The following GPR39 variants were observed in gnomAD, a reference collection of about 807,000 sequenced individuals.
GPR39 encodes the protein G protein-coupled receptor 39.
GPR39 carries 23 observed loss-of-function variants against 18.4 expected under a neutral mutation model. The observed-to-expected ratio is 1.25, with a 90% CI of 0.90 to 1.77. The LOEUF (loss-of-function observed/expected upper bound fraction) is 1.77. Ranked by LOEUF, GPR39 falls within the 40% of genes most tolerant of loss-of-function variation. GPR39 has a pLI of 0.00. For missense variants in GPR39, 647 were observed against 602.4 expected, an observed-to-expected ratio of 1.07 and a Z score of -0.78; for synonymous variants, 280 against 257.9, an observed-to-expected ratio of 1.09 and a Z score of -0.82.
rs147892356 is a variant in GPR39 at position 132,622,508 on chromosome 2, G to T, written c.857-22593G>T. Among the ~76,000 whole-genome samples the T allele has an allele frequency of 4.1e-4, 62 of 152,326 alleles. No individual in the cohort carries two copies. In the East Asian group the frequency reaches 0.011, roughly 26 times the overall value. The stretch of plus-strand genomic sequence containing the variant: ...GAAATCCTTAGAAAGTGCACTTGAG[G>T]CAGTTGGGTTACAGTTTGGCTTTAT... On this transcript the variant is annotated intron_variant, in intron 1 of 1. Coordinates refer to ENST00000329321, the MANE Select transcript of GPR39 (RefSeq NM_001508.3).
chr2:132,631,323 A>G (rs1379726953), intron 1 of GPR39, among the ~76,000 whole-genome samples: 3 of 152,146 alleles, frequency 2.0e-5, no homozygotes, highest in South Asian at 2.1e-4. Flanking sequence ...TTGCAAGACT[A>G]TTTCCTCCAA....
At chr2:132,497,849 A>T (rs977910356) in intron 1 of GPR39, among the ~76,000 whole-genome samples, 1 of 152,160 alleles carries the variant, frequency 6.6e-6, no homozygotes, top group Non-Finnish European at 1.5e-5. Context: ...AGAGAAGGGA[A>T]TGGTTTCAAG....
At chr2:132,553,303 A>T (rs1293635732) in intron 1 of GPR39, among the ~76,000 whole-genome samples, 1 of 133,826 alleles carries the variant, frequency 7.5e-6, no homozygotes, top group Non-Finnish European at 1.6e-5. Context: ...ATATACACAC[A>T]TATGTATATA....
chr2:132,482,246 A>G (rs767880477), intron 1 of GPR39, among the ~76,000 whole-genome samples: 1 of 151,990 alleles, frequency 6.6e-6, no homozygotes, highest in African/African-American at 2.4e-5. Context: ...GTTTTAGGAC[A>G]TTTTCCCTTT....
rs1323773772 is a variant in GPR39 at position 132,646,375 on chromosome 2, C to G, written c.*769C>G. 7.8e-6 allele frequency: 6 copies of G among 766,750 alleles called. No homozygotes were observed. In the East Asian group the frequency reaches 2.0e-4, roughly 25 times the overall value. The allele number at this position is 766,750 out of a possible 1,614,324, so 47.5% of individuals were successfully genotyped here. On this transcript the variant is annotated 3_prime_UTR_variant, in exon 2 of 2. Transcript: ENST00000329321. The stretch of plus-strand genomic sequence containing the variant: ...AATCCAAACGGACAGCTCTTCCTTA[C>G]TCCTCCCACAGCCCAGAGACTAGGT...
intron 1 of GPR39, among the ~76,000 whole-genome samples, chr2:132,478,118 TG>T (rs1303785501): frequency 6.6e-6 from 1 of 152,246 alleles, no homozygotes; most frequent in Non-Finnish European, 1.5e-5. Flanking sequence ...AATTGGGACT[TG>T]GCATTACAAT....
At chr2:132,538,778 T>C (rs1412082317) in intron 1 of GPR39, among the ~76,000 whole-genome samples, 1 of 152,228 alleles carries the variant, frequency 6.6e-6, no homozygotes, top group Non-Finnish European at 1.5e-5. Context: ...AGGAAGAATC[T>C]AGAGAAACAT....
intron 1 of GPR39, among the ~76,000 whole-genome samples, chr2:132,592,079 CA>C (rs1317562395): frequency 7.9e-5 from 12 of 152,234 alleles, no homozygotes; most frequent in Admixed American, 7.2e-4. Context: ...CATTAAATGC[CA>C]AGTGGTATTC....
At chr2:132,526,123 C>T (rs1175062706) in intron 1 of GPR39, among the ~76,000 whole-genome samples, 1 of 152,182 alleles carries the variant, frequency 6.6e-6, no homozygotes, top group Non-Finnish European at 1.5e-5. Context: ...TTATGGTATT[C>T]ATCCTCCTGA....
At chr2:132,548,161 A>G (rs1250220045) in intron 1 of GPR39, among the ~76,000 whole-genome samples, 3 of 152,118 alleles carry the variant, frequency 2.0e-5, no homozygotes, top group Non-Finnish European at 4.4e-5. Context: ...CAAGGATGTA[A>G]TAGTCTGGCA....
intron 1 of GPR39, among the ~76,000 whole-genome samples, chr2:132,516,723 C>T (rs572384828): frequency 1.4e-4 from 21 of 152,318 alleles, no homozygotes; most frequent in Admixed American, 1.4e-3. Flanking sequence ...GAACGCTCTT[C>T]CTTCTTCCAC....
In GPR39 at chr2:132,645,305, T is replaced by C; in HGVS notation, c.1061T>C (p.Val354Ala). The stretch of plus-strand genomic sequence containing the variant: ...GTGTCCTCGCAGCAGTTTCGGCGGG[T>C]GTTCGTGCAGGTGCTGTGCTGCCGC... ...YTVSSQQFRR[V>A]FVQVLCCRLS... The change falls in exon 2 of 2, where the codon GTG becomes GCG. Residue 354 changes from valine to alanine, a missense_variant. Physicochemically the swap from Val to Ala is moderately conservative, Grantham distance 64 (BLOSUM62 0). This residue lies in a region of GPR39 where 581 missense variants were observed against 506.8 expected (regional missense o/e 1.15). Coordinates refer to ENST00000329321, the MANE Select transcript of GPR39 (RefSeq NM_001508.3). 3.1e-6 allele frequency: 5 copies of C among 1,613,758 alleles called. No homozygotes were observed. Among genetic ancestry groups the C allele is most frequent in the Non-Finnish European group, 4.2e-6 (5 of 1,179,918 alleles).
At chr2:132,502,709 T>A (rs1010611051) in intron 1 of GPR39, among the ~76,000 whole-genome samples, 3 of 152,220 alleles carry the variant, frequency 2.0e-5, no homozygotes, top group African/African-American at 7.2e-5. Context: ...CACCAATTAT[T>A]CTTAGGTTTG....
Position 132,492,884 on chromosome 2 carries a change from CACCATATATAT to C in GPR39, c.856+75000_856+75010del, listed in dbSNP as rs1178257033. 1.7e-3 allele frequency among the ~76,000 whole-genome samples: 234 copies of C among 139,902 alleles called. 1 individual carries two copies. Among genetic ancestry groups the C allele is most frequent in the Non-Finnish European group, 2.8e-3 (184 of 65,236 alleles). The allele number at this position is 139,902 out of a possible 152,430, so 91.8% of individuals were successfully genotyped here. On this transcript the variant is annotated intron_variant, in intron 1 of 1. Coordinates refer to ENST00000329321, the MANE Select transcript of GPR39 (RefSeq NM_001508.3). ...ACCATATATGTACACCATATATATA[CACCATATATAT>C]ACCATATATATACACCATATACCAT...
At chr2:132,600,910 C>T (rs1681032162) in intron 1 of GPR39, among the ~76,000 whole-genome samples, 1 of 152,108 alleles carries the variant, frequency 6.6e-6, no homozygotes, top group African/African-American at 2.4e-5. Flanking sequence ...ATACATTGAA[C>T]CCAATAAGTA....
intron 1 of GPR39, among the ~76,000 whole-genome samples, chr2:132,495,561 C>T (rs1573631574): frequency 2.6e-5 from 4 of 152,082 alleles, no homozygotes; most frequent in South Asian, 4.2e-4. Context: ...TCACTGACCT[C>T]GGCAGCAGAG....
chr2:132,420,679 G>A (rs763140734), intron 1 of GPR39, among the ~76,000 whole-genome samples: 4 of 152,126 alleles, frequency 2.6e-5, no homozygotes, highest in East Asian at 1.9e-4. Context: ...AAGATTGTTC[G>A]CCGCTCGTTG....
intron 1 of GPR39, among the ~76,000 whole-genome samples, chr2:132,499,296 C>T (rs964394749): frequency 1.3e-5 from 2 of 152,180 alleles, no homozygotes; most frequent in Non-Finnish European, 2.9e-5. Context: ...ATTATCCCAG[C>T]ACCATTTGTT....
At chr2:132,523,643 A>G (rs1679462042) in intron 1 of GPR39, 1 of 152,172 alleles carries the variant, frequency 6.6e-6, no homozygotes. Context: ...TGGCTGCAAC[A>G]TCTGTCACCC....
Sources: gnomAD v4.1 joint callset for allele counts (sites outside exome capture counted in the v4.1 genomes callset) on GRCh38, gnomAD v4.1.1 for gene constraint, gnomAD v4.1.1 regional missense constraint, MANE v1.5 for transcripts, NCBI Gene and HGNC (gene_info 2026-07-23, HGNC 2026-07-21) for gene names.